CMIP: variants seen among roughly 807,000 people sequenced by gnomAD.
The protein encoded by CMIP is C-Maf-inducing protein.
CMIP carries 13 observed loss-of-function variants against 97.3 expected under a neutral mutation model. That is an observed-to-expected ratio of 0.13 (90% CI 0.09 to 0.21). The LOEUF is 0.21. CMIP is among the 10% of genes least tolerant of loss of function. CMIP has a pLI of 1.00. For missense variants in CMIP, 847 were observed against 1,024.9 expected (o/e 0.83, Z 2.37); for synonymous variants, 538 against 436.3 (o/e 1.23, Z -2.91).
chr16:81,462,481 C>T (rs1051014324), intron 1 of CMIP, among the ~76,000 whole-genome samples: 1 of 151,496 alleles, frequency 6.6e-6, no homozygotes, highest in Admixed American at 6.6e-5. Context: ...TGGAGCTTTG[C>T]ACAGAAATAA....
At position 81,704,039 on chromosome 16, in the gene CMIP, T is replaced by C; in HGVS notation, c.2045T>C (p.Leu682Pro). ...TNVTSACAEH[L>P]IKLPSLKQLN... ...GTAACCAGTGCCTGCGCCGAGCACC[T>C]CATCAAACTGCCTTCGCTCAAGCAG... Residue 682 changes from leucine to proline, a missense_variant, in exon 18 of 21, where the codon CTC (leucine) becomes CCC (proline). Coordinates refer to ENST00000537098, the MANE Select transcript of CMIP (RefSeq NM_198390.3). The C allele has an allele frequency of 6.2e-7, 1 of 1,605,434 alleles. No individual in the cohort carries two copies.
chr16:81,579,711 C>G (rs565716407), intron 1 of CMIP, among the ~76,000 whole-genome samples: 36 of 126,930 alleles, frequency 2.8e-4, no homozygotes, highest in Admixed American at 1.6e-3. Flanking sequence ...AAAAAGAGTT[C>G]TGCCACTTAA....
At chr16:81,675,288 C>T (rs1328434418) in intron 9 of CMIP, among the ~76,000 whole-genome samples, 2 of 152,092 alleles carry the variant, frequency 1.3e-5, no homozygotes, top group Non-Finnish European at 2.9e-5. Flanking sequence ...ACTGCAACCT[C>T]TGCCTCCTGT....
At chr16:81,463,215 C>T (rs1597450906) in intron 1 of CMIP, among the ~76,000 whole-genome samples, 1 of 152,094 alleles carries the variant, frequency 6.6e-6, no homozygotes, top group East Asian at 1.9e-4. Context: ...TTTTAAGGAC[C>T]CCAATAAACA....
chr16:81,445,185 C>G lies in CMIP; in HGVS notation c.-57C>G, dbSNP rs1905748760. 8.5e-7 allele frequency: 1 copy of G among 1,174,390 alleles called. No individual in the cohort carries two copies. 72.7% of individuals were successfully genotyped at this position (1,174,390 alleles called of 1,614,324 possible). A position where few individuals can be genotyped will look rare whatever the true frequency, so the allele number is the denominator to read the frequency against. The stretch of plus-strand genomic sequence containing the variant: ...CGCCGGATCCGGGGGCCCCGCCGCC[C>G]CAGCAGCCCAGGACAGCCCCCTCTC... On this transcript the variant is annotated 5_prime_UTR_variant, in exon 1 of 21. Transcript: ENST00000537098.
At chr16:81,558,290 G>A (rs1194588278) in intron 1 of CMIP, among the ~76,000 whole-genome samples, 2 of 152,132 alleles carry the variant, frequency 1.3e-5, no homozygotes, top group Non-Finnish European at 2.9e-5. Context: ...GCAGACACGA[G>A]GCTGCTTCCG....
At chr16:81,497,402 G>A (rs2089510672) in intron 1 of CMIP, among the ~76,000 whole-genome samples, 1 of 152,182 alleles carries the variant, frequency 6.6e-6, no homozygotes, top group Non-Finnish European at 1.5e-5. Flanking sequence ...TTTCCAAGAG[G>A]CCACTTAGAG....
intron 3 of CMIP, chr16:81,631,780 G>A (rs2092163539): frequency 6.6e-6 from 1 of 152,228 alleles, no homozygotes; most frequent in African/African-American, 2.4e-5. Context: ...ACACTCTAGT[G>A]TACATCTTTT....
intron 1 of CMIP, among the ~76,000 whole-genome samples, chr16:81,560,465 G>A (rs1196886437): frequency 3.3e-5 from 5 of 152,098 alleles, no homozygotes; most frequent in South Asian, 2.1e-4. Context: ...TGATCCGCCC[G>A]CCTCGGCCTC....
At chr16:81,478,592 T>C (rs1056677420) in intron 1 of CMIP, among the ~76,000 whole-genome samples, 2 of 152,082 alleles carry the variant, frequency 1.3e-5, no homozygotes, top group East Asian at 1.9e-4. Flanking sequence ...GCACAGACCA[T>C]GTGTGGTCCC....
intron 2 of CMIP, among the ~76,000 whole-genome samples, chr16:81,613,969 C>T (rs771870130): frequency 1.3e-5 from 2 of 152,194 alleles, no homozygotes; most frequent in African/African-American, 4.8e-5. Context: ...AGACGTGGTT[C>T]CTGACCTCCC....
chr16:81,560,990 C>T (rs572472908), intron 1 of CMIP, among the ~76,000 whole-genome samples: 4 of 152,282 alleles, frequency 2.6e-5, no homozygotes, highest in Non-Finnish European at 2.9e-5. Context: ...AGACAGTCTC[C>T]GTCACCCAGG....
At chr16:81,701,541 G>A in intron 15 of CMIP, 119 bp from the exon 16 acceptor site, 1 of 1,392,466 alleles carries the variant, frequency 7.2e-7, no homozygotes, top group Non-Finnish European at 1.0e-6. Flanking sequence ...CACAGCCGGG[G>A]CTGCAGAAAG....
intron 10 of CMIP, among the ~76,000 whole-genome samples, chr16:81,688,830 C>T (rs915771081): frequency 2.0e-5 from 3 of 152,230 alleles, no homozygotes; most frequent in Admixed American, 1.3e-4. Flanking sequence ...CACAACAGGC[C>T]CCGGTGTGTG....
rs2091879269 is a variant in CMIP at position 81,614,376 on chromosome 16, G to T, written c.427-6500G>T. ...AGGGAGTGTGCCAAGCGGTGCACGG[G>T]TTCTCAGGGGCTCCCACGCGCGGGC... On this transcript the variant is annotated intron_variant, in intron 2 of 20. Coordinates refer to ENST00000537098, the MANE Select transcript of CMIP (RefSeq NM_198390.3). This position sits in a 1 kb window ranked among gnomAD's most constrained non-coding sequence, Gnocchi z 5.3. Among the ~76,000 whole-genome samples, 1 of 152,142 alleles carries T rather than the reference G, an allele frequency of 6.6e-6. No homozygotes were observed. Among genetic ancestry groups the T allele is most frequent in the South Asian group, 2.1e-4 (1 of 4,832 alleles).
At chr16:81,646,875 G>A (rs535706733) in intron 3 of CMIP, among the ~76,000 whole-genome samples, 1 of 152,326 alleles carries the variant, frequency 6.6e-6, no homozygotes, top group African/African-American at 2.4e-5. Flanking sequence ...CCATTCATCA[G>A]TTGATGAATT....
chr16:81,579,209 G>A (rs74029201), intron 1 of CMIP, among the ~76,000 whole-genome samples: 10,165 of 152,220 alleles, frequency 0.067, 687 homozygotes, highest in African/African-American at 0.17. Context: ...TTAACAATGA[G>A]GAGGAAGATG....
At position 81,691,968 on chromosome 16, in the gene CMIP, G is replaced by A. The variant is rs949701376; in HGVS notation, c.1454+128G>A. Reference sequence around the variant, plus strand: ...GTCACAGCGGGAAGACCCTGGAGACGTCGGTACCAGCTCAGCCACGTCCTC... The same window carrying A: ...GTCACAGCGGGAAGACCCTGGAGACATCGGTACCAGCTCAGCCACGTCCTC... On this transcript the variant is annotated intron_variant, in intron 11 of 20. Transcript: ENST00000537098. The A allele has an allele frequency of 2.5e-5, 20 of 794,602 alleles. No individual in the cohort carries two copies. The Middle Eastern group carries it at 8.0e-4, about 32-fold the overall frequency. 49.2% of individuals were successfully genotyped at this position (794,602 alleles called of 1,614,324 possible).
At chr16:81,670,619 TTGGG>T (rs1178620284) in intron 8 of CMIP, among the ~76,000 whole-genome samples, 1,207 of 63,942 alleles carry the variant, frequency 0.019, 26 homozygotes, top group African/African-American at 0.048. Flanking sequence ...TGGGTTTTTT[TTGGG>T]GGGGGGGGGG....
Sources: allele counts gnomAD v4.1 joint callset (sites outside exome capture counted in the v4.1 genomes callset), GRCh38; gene constraint gnomAD v4.1.1; non-coding constraint Gnocchi (gnomAD v3.1); transcripts MANE v1.5; gene names NCBI Gene and HGNC (gene_info 2026-07-23, HGNC 2026-07-21).